The following TLN2 variants were observed in gnomAD, a reference collection of about 807,000 sequenced individuals.
TLN2 encodes talin 2.
In TLN2, 118 loss-of-function variants were observed where a neutral mutation model predicts 294.7. The observed-to-expected ratio is 0.40, with a 90% CI of 0.34 to 0.47. TLN2 has a LOEUF of 0.47. TLN2 is among the 20% of genes least tolerant of loss of function. The pLI is 0.84. For missense variants in TLN2, 3,083 were observed against 3,282.2 expected, an observed-to-expected ratio of 0.94 and a Z score of 1.48; for synonymous variants, 1,431 against 1,304.5, an observed-to-expected ratio of 1.10 and a Z score of -2.09.
At chr15:62,400,164 T>G (rs532993442) in intron 1 of TLN2, among the ~76,000 whole-genome samples, 1 of 152,338 alleles carries the variant, frequency 6.6e-6, no homozygotes, top group African/African-American at 2.4e-5. Flanking sequence ...GGCAGTTCTC[T>G]CTCCTGCCGC....
At chr15:62,670,277 G>T (rs2055241452) in intron 9 of TLN2, among the ~76,000 whole-genome samples, 1 of 152,148 alleles carries the variant, frequency 6.6e-6, no homozygotes, top group Non-Finnish European at 1.5e-5. Context: ...TTTTAAATGG[G>T]CCCCTGGAGA....
At chr15:62,781,739 G>A (rs760871138) in intron 44 of TLN2, among the ~76,000 whole-genome samples, 11 of 152,062 alleles carry the variant, frequency 7.2e-5, no homozygotes, top group Admixed American at 1.3e-4. Flanking sequence ...GAAACAGTAT[G>A]GTTATGTAAT....
At chr15:62,440,523 G>C (rs1000230448) in intron 1 of TLN2, among the ~76,000 whole-genome samples, 2 of 152,098 alleles carry the variant, frequency 1.3e-5, no homozygotes, top group African/African-American at 4.8e-5. Context: ...AACCTAACGG[G>C]TGGGGTGGTG....
chr15:62,738,863 T>A (rs2061168673), intron 30 of TLN2, among the ~76,000 whole-genome samples: 1 of 152,364 alleles, frequency 6.6e-6, no homozygotes, highest in South Asian at 2.1e-4. Flanking sequence ...GTTATCAGTC[T>A]GCTAGATGAC....
At chr15:62,763,754 C>A in intron 40 of TLN2, 59 bp downstream of exon 40, 3 of 1,499,204 alleles carry the variant, frequency 2.0e-6, no homozygotes, top group South Asian at 2.6e-5. Context: ...AAAACCTTAG[C>A]ATCAGACTTG....
Position 62,755,711 on chromosome 15 carries a change from C to A in TLN2, c.4638+18C>A. On this transcript the variant is annotated intron_variant, in intron 37 of 58. Transcript: ENST00000636159. ...CCATCAAGGTAGGTCGCTGGACTAC[C>A]GGCCTTATTGAACTCTGTAACTCCT... 1 of 1,613,638 alleles carries A rather than the reference C, an allele frequency of 6.2e-7. No homozygotes were observed. Among genetic ancestry groups the A allele is most frequent in the Non-Finnish European group, 8.5e-7 (1 of 1,179,708 alleles).
chr15:62,701,302 G>GA, intron 17 of TLN2, 88 bp downstream of exon 17: 1 of 1,100,666 alleles, frequency 9.1e-7, no homozygotes, highest in Non-Finnish European at 1.3e-6. Flanking sequence ...GTTATCTGTT[G>GA]ATTGAAACAA....
intron 1 of TLN2, among the ~76,000 whole-genome samples, chr15:62,458,046 C>A (rs1222037213): frequency 6.6e-6 from 1 of 152,222 alleles, no homozygotes. Context: ...TCAATGGTCC[C>A]TCATCCACAG....
At chr15:62,442,068 T>A (rs1025836262) in intron 1 of TLN2, among the ~76,000 whole-genome samples, 1 of 151,970 alleles carries the variant, frequency 6.6e-6, no homozygotes, top group Non-Finnish European at 1.5e-5. Flanking sequence ...AAGGATGGGG[T>A]CATGGGAACC....
chr15:62,409,879 T>C (rs1387763034), intron 1 of TLN2, among the ~76,000 whole-genome samples: 1 of 152,226 alleles, frequency 6.6e-6, no homozygotes, highest in Non-Finnish European at 1.5e-5. Flanking sequence ...AATGAATTTT[T>C]TCCCCCTAAA....
rs2140927540 is a variant in TLN2, at chr15:62,724,977, C to T, written c.3128C>T (p.Ala1043Val). Residue 1043 changes from alanine (A) to valine (V), a missense_variant and splice_region_variant, in exon 27 of 59, where the codon GCC becomes GTC. Transcript: ENST00000636159. Reference sequence around the variant, plus strand: ...ACATATTTCCAACTCTGTTGGCAGGCCCATGAAGCTTGTGGTCCGATGGAA... The same window carrying T: ...ACATATTTCCAACTCTGTTGGCAGGTCCATGAAGCTTGTGGTCCGATGGAA... ...LAELRTASQK[A>V]HEACGPMEID... The T allele has an allele frequency of 6.2e-7, 1 of 1,610,606 alleles. No homozygotes were observed. The highest frequency in any genetic ancestry group is 2.2e-5 in the East Asian group (1 of 44,772).
In TLN2 at chr15:62,739,471, G is replaced by A; in HGVS notation, c.3811G>A (p.Ala1271Thr). 5 of 1,614,228 alleles carry A rather than the reference G, an allele frequency of 3.1e-6. No homozygotes were observed. Among genetic ancestry groups the A allele is most frequent in the Non-Finnish European group, 4.2e-6 (5 of 1,180,042 alleles). Residue 1271 changes from alanine to threonine, a missense_variant, in exon 31 of 59, where the codon GCA becomes ACA. By Grantham distance (58) the Ala-to-Thr change is moderately conservative. Transcript: ENST00000636159. ...CCGGGGCCAGAGTGGAGAGTTGGCT[G>A]CAGCCTCTGGAAAGTTCAGTGATGA... ...ATRGQSGELAAASGKFSDDFD... is the reference protein window; with the variant it reads ...ATRGQSGELATASGKFSDDFD...
chr15:62,415,573 C>CTTGGTT (rs2034025391), intron 1 of TLN2, among the ~76,000 whole-genome samples: 2 of 101,726 alleles, frequency 2.0e-5, no homozygotes, highest in Admixed American at 1.3e-4. Context: ...AGTGCCCATT[C>CTTGGTT]ATTTAACCCC....
intron 55 of TLN2, chr15:62,834,764 G>T (rs1408771432): frequency 3.3e-5 from 5 of 150,384 alleles, no homozygotes; most frequent in African/African-American, 1.2e-4. Context: ...AAAGATGACA[G>T]ATGTGTCATT....
intron 45 of TLN2, among the ~76,000 whole-genome samples, chr15:62,791,307 CCA>C (rs1190642249): frequency 1.3e-5 from 2 of 152,190 alleles, no homozygotes; most frequent in African/African-American, 4.8e-5. Flanking sequence ...TGAGCCAAGA[CCA>C]CACCACTGCC....
rs149780521 is a variant in TLN2, at chr15:62,762,540, T to A, written c.4961+87T>A. 6.5e-4 allele frequency: 892 copies of A among 1,373,992 alleles called. 3 individuals are homozygous for A. The African/African-American group carries it at 0.011, about 17-fold the overall frequency. 85.1% of individuals were successfully genotyped at this position (1,373,992 alleles called of 1,614,324 possible). A position where few individuals can be genotyped will look rare whatever the true frequency, so the allele number is the denominator to read the frequency against. On this transcript the variant is annotated intron_variant, in intron 39 of 58. Coordinates refer to ENST00000636159, the MANE Select transcript of TLN2 (RefSeq NM_015059.3). ...GCCCACCAGGCTTTTTACTTAATAG[T>A]GATATTGTTGATCATTATCATCTTT...
intron 2 of TLN2, among the ~76,000 whole-genome samples, chr15:62,602,881 T>A (rs886365113): frequency 5.2e-4 from 78 of 150,274 alleles, no homozygotes; most frequent in South Asian, 1.1e-3. Flanking sequence ...TTTTTTTTTT[T>A]AAATTTTTAT....
intron 9 of TLN2, among the ~76,000 whole-genome samples, chr15:62,658,667 A>T (rs2053491906): frequency 6.6e-6 from 1 of 152,110 alleles, no homozygotes; most frequent in African/African-American, 2.4e-5. Flanking sequence ...TATTCTCCAA[A>T]TGAGTCATAC....
In TLN2 at chr15:62,650,166, C is replaced by T; in HGVS notation, c.219C>T (p.Tyr73=). ...AAGCGGGCAGAACACTGGATTACTA[C>T]ATGTTGCGGAATGGGGTATGCTGCC... ...WLEAGRTLDY[Y]MLRNGDILEY... is the part of the protein sequence containing the mutation. Residue 73 remains tyrosine (Y), a synonymous_variant, in exon 5 of 59, where the codon TAC becomes TAT. Transcript: ENST00000636159. The T allele has an allele frequency of 6.2e-7, 1 of 1,614,172 alleles. No individual in the cohort carries two copies. Among genetic ancestry groups the T allele is most frequent in the Non-Finnish European group, 8.5e-7 (1 of 1,180,018 alleles).
Sources: allele counts gnomAD v4.1 joint callset (sites outside exome capture counted in the v4.1 genomes callset), GRCh38; gene constraint gnomAD v4.1.1; transcripts MANE v1.5; gene names NCBI Gene and HGNC (gene_info 2026-07-23, HGNC 2026-07-21).